ZAN: variants seen among roughly 807,000 people sequenced by gnomAD.
ZAN encodes the protein zonadhesin, also known as zonadhesin (gene/pseudogene).
A neutral mutation model predicts 286.2 loss-of-function variants in ZAN; 260 were observed. The observed-to-expected ratio is 0.91, with a 90% CI of 0.82 to 1.01. The LOEUF (loss-of-function observed/expected upper bound fraction) is 1.01. Ranked by LOEUF, ZAN falls within the 50% of genes least tolerant of loss-of-function variation. The pLI is 0.00. For synonymous variants in ZAN, 1,368 were observed against 1,417.5 expected (o/e 0.97, Z 0.79); for missense variants, 3,410 against 3,639.2 (o/e 0.94, Z 1.62).
chr7:100,780,711 C>A (rs1273576491), intron 35 of ZAN, among the ~76,000 whole-genome samples: 2 of 151,980 alleles, frequency 1.3e-5, no homozygotes, highest in African/African-American at 4.8e-5. Context: ...GTACCGTCTC[C>A]CTCCCACCCT....
chr7:100,755,188 A>G (rs1224979958), intron 14 of ZAN, 38 bp from the exon 15 acceptor site: 2 of 1,576,856 alleles, frequency 1.3e-6, no homozygotes, highest in East Asian at 2.3e-5. Flanking sequence ...TGAGAAAGCC[A>G]TGGAATGAAA....
intron 25 of ZAN, 116 bp from the exon 26 acceptor site, chr7:100,767,715 G>A (rs1260700911): frequency 8.5e-6 from 10 of 1,181,656 alleles, no homozygotes; most frequent in Non-Finnish European, 1.2e-5. Flanking sequence ...CTGGGCTCAA[G>A]CGATCCTCCG....
chr7:100,751,417 C>T (rs962269002), intron 13 of ZAN, among the ~76,000 whole-genome samples, 151 bp downstream of exon 13: 8 of 152,162 alleles, frequency 5.3e-5, no homozygotes, highest in Non-Finnish European at 1.0e-4. Context: ...CCTCTCCTTC[C>T]CCTGCACTTC....
At position 100,779,513 on chromosome 7, in the gene ZAN, TG is replaced by T; in HGVS notation, c.6386del (p.Cys2129SerfsTer29). On this transcript the variant is annotated frameshift_variant, in exon 35 of 48. Coordinates refer to ENST00000613979, the MANE Select transcript of ZAN (RefSeq NM_003386.3). LOFTEE classifies it high-confidence loss of function. ...ACAGCAGGAGAACCCGAGTGGAAACTGCAGGGCGGCCGACCTCCGCAGGGCG... is the reference window on the plus strand; with the variant it reads ...ACAGCAGGAGAACCCGAGTGGAAACTCAGGGCGGCCGACCTCCGCAGGGCG... Reference protein sequence around the residue: ...AEQQENPSGNCRAADLRRARE... With the variant: ...AEQQENPSGNXRAADLRRARE... The T allele has an allele frequency of 6.2e-7, 1 of 1,609,072 alleles. No individual in the cohort carries two copies. Among genetic ancestry groups the T allele is most frequent in the Non-Finnish European group, 8.5e-7 (1 of 1,179,116 alleles).
chr7:100,737,140 G>A (rs1389713126), intron 5 of ZAN, 60 bp downstream of exon 5: 2 of 1,456,180 alleles, frequency 1.4e-6, no homozygotes, highest in African/African-American at 2.9e-5. Flanking sequence ...GAGAGCCTGA[G>A]GGTGGGGGTG....
At chr7:100,750,112 T>C (rs1352515419) in intron 11 of ZAN, among the ~76,000 whole-genome samples, 1 of 147,024 alleles carries the variant, frequency 6.8e-6, no homozygotes, top group Non-Finnish European at 1.5e-5. Flanking sequence ...CATTAATGAA[T>C]GTAATCTAGG....
chr7:100,742,898 GGACGA>G (rs1168649117), intron 7 of ZAN, among the ~76,000 whole-genome samples: 2 of 71,698 alleles, frequency 2.8e-5, no homozygotes, highest in Admixed American at 1.2e-4. Flanking sequence ...AGGGGGACGG[GGACGA>G]TCTGACTTAT....
chr7:100,795,082 A>G (rs1584641321), intron 44 of ZAN, 114 bp from the exon 45 acceptor site: 1 of 1,371,158 alleles, frequency 7.3e-7, no homozygotes, highest in Non-Finnish European at 9.7e-7. Flanking sequence ...ACCCCTGGCC[A>G]GTCTCTGGCA....
At chr7:100,771,624 G>T (rs1203689923) in intron 28 of ZAN, among the ~76,000 whole-genome samples, 2 of 151,926 alleles carry the variant, frequency 1.3e-5, no homozygotes, top group Non-Finnish European at 2.9e-5. Context: ...TAGAGATTGG[G>T]TTTCACCATG....
At chr7:100,779,297 T>A (rs745447181) in intron 34 of ZAN, 149 bp from the exon 35 acceptor site, 21 of 797,424 alleles carry the variant, frequency 2.6e-5, no homozygotes, top group Non-Finnish European at 3.9e-5. Flanking sequence ...CGCTTGAACA[T>A]GGGAGGGAAG....
intron 41 of ZAN, 31 bp from the exon 42 acceptor site, chr7:100,792,374 C>G (rs1356754894): frequency 1.8e-5 from 28 of 1,578,264 alleles, no homozygotes; most frequent in Non-Finnish European, 2.3e-5. Flanking sequence ...CCCAAACTGA[C>G]TGTGCCCTTC....
intron 7 of ZAN, among the ~76,000 whole-genome samples, chr7:100,739,633 T>G (rs1434992061): frequency 7.6e-6 from 1 of 132,298 alleles, no homozygotes; most frequent in African/African-American, 2.7e-5. Flanking sequence ...CGTGAGCCAC[T>G]GTGCCCCGCC....
At chr7:100,777,882 C>T (rs1414771686) in intron 34 of ZAN, among the ~76,000 whole-genome samples, 1 of 151,602 alleles carries the variant, frequency 6.6e-6, no homozygotes, top group Non-Finnish European at 1.5e-5. Context: ...CAGAATGTTG[C>T]TTTGTGTGTG....
At chr7:100,769,364 G>A (rs1810221321) in intron 27 of ZAN, among the ~76,000 whole-genome samples, 1 of 152,050 alleles carries the variant, frequency 6.6e-6, no homozygotes, top group Non-Finnish European at 1.5e-5. Flanking sequence ...AAAGTGCTGG[G>A]ATTACAGGTG....
intron 34 of ZAN, 59 bp downstream of exon 34, chr7:100,776,623 C>T: frequency 7.6e-7 from 1 of 1,323,310 alleles, no homozygotes. Flanking sequence ...GTCTTTCTTT[C>T]TTTCTGCCTT....
chr7:100,745,045 G>A (rs542471692), intron 7 of ZAN, among the ~76,000 whole-genome samples: 4 of 151,452 alleles, frequency 2.6e-5, no homozygotes, highest in Admixed American at 1.3e-4. Context: ...CACCACGCCC[G>A]GCTAATTTTT....
chr7:100,737,383 G>C lies in ZAN; in HGVS notation c.613+34G>C, dbSNP rs1475467368. The C allele has an allele frequency of 1.4e-5, 18 of 1,325,686 alleles. 5 individuals are homozygous for C. Among genetic ancestry groups the C allele is most frequent in the Admixed American group, 7.2e-5 (3 of 41,560 alleles). 82.1% of individuals were successfully genotyped at this position (1,325,686 alleles called of 1,614,324 possible). On this transcript the variant is annotated intron_variant, in intron 6 of 47. Coordinates refer to ENST00000613979, the MANE Select transcript of ZAN (RefSeq NM_003386.3). ...CTGTCCCTCCTCCCGCCTGCCCTCGGACCCTTTTCTCTCCGTCCTTGCACA... is the reference window on the plus strand; with the variant it reads ...CTGTCCCTCCTCCCGCCTGCCCTCGCACCCTTTTCTCTCCGTCCTTGCACA...
Position 100,794,201 on chromosome 7 carries a change from A to T in ZAN, c.8068A>T (p.Ser2690Cys). The change falls in exon 44 of 48, where the codon AGC becomes TGC. Residue 2690 changes from serine (S) to cysteine (C), a missense_variant. By Grantham distance (112) the Ser-to-Cys change is moderately radical. Coordinates refer to ENST00000613979, the MANE Select transcript of ZAN (RefSeq NM_003386.3). The stretch of plus-strand genomic sequence containing the variant: ...ACGGATCCTGCTGTGTGAGCCCTTC[A>T]GCTGCAGAGCGGGGGAGGTCTGCAC... ...SSRILLCEPF[S>C]CRAGEVCTLG... 6.2e-7 allele frequency: 1 copy of T among 1,613,894 alleles called. No individual in the cohort carries two copies. Among genetic ancestry groups the T allele is most frequent in the Non-Finnish European group, 8.5e-7 (1 of 1,179,848 alleles).
At position 100,775,437 on chromosome 7, in the gene ZAN, C is replaced by G. The variant is rs368070397; in HGVS notation, c.5889C>G (p.Pro1963=). Reference sequence around the variant, plus strand: ...TTGTCCTGGTGAAAGTGTGCCACCCCGCCATGGCCTTGCCCTTCTTCAAGA... The same window carrying G: ...TTGTCCTGGTGAAAGTGTGCCACCCGGCCATGGCCTTGCCCTTCTTCAAGA... The part of the protein sequence containing the change: ...CTLVLVKVCH[P]AMALPFFKIS... The change falls in exon 32 of 48, where the codon CCC becomes CCG. Residue 1963 remains proline, a synonymous_variant. Transcript: ENST00000613979. 1 of 1,613,958 alleles carries G rather than the reference C, an allele frequency of 6.2e-7. No homozygotes were observed. Among genetic ancestry groups the G allele is most frequent in the Non-Finnish European group, 8.5e-7 (1 of 1,179,890 alleles).
Sources: gnomAD v4.1 joint callset for allele counts (sites outside exome capture counted in the v4.1 genomes callset) on GRCh38, gnomAD v4.1.1 for gene constraint, MANE v1.5 for transcripts, NCBI Gene and HGNC (gene_info 2026-07-23, HGNC 2026-07-21) for gene names.